Variants in MB21D2 observed in about 807,000 individuals in gnomAD.
The protein encoded by MB21D2 is Mab-21 domain containing 2.
MB21D2 carries 9 observed loss-of-function variants against 33.3 expected under a neutral mutation model. That is an observed-to-expected ratio of 0.27 (90% CI 0.16 to 0.47). The LOEUF is 0.47. Ranked by LOEUF, MB21D2 falls within the 20% of genes least tolerant of loss-of-function variation. The pLI is 0.99. For missense variants in MB21D2, 540 were observed against 624.6 expected, an observed-to-expected ratio of 0.86 and a Z score of 1.44; for synonymous variants, 241 against 236.3, an observed-to-expected ratio of 1.02 and a Z score of -0.18.
chr3:192,889,934 GA>G (rs1007921221), intron 1 of MB21D2, among the ~76,000 whole-genome samples: 10 of 149,300 alleles, frequency 6.7e-5, no homozygotes, highest in East Asian at 1.9e-4. Context: ...AGTCAGTTAG[GA>G]AAAAAAAAAT....
chr3:192,833,759 A>G (rs898172017), intron 1 of MB21D2, among the ~76,000 whole-genome samples: 1 of 152,200 alleles, frequency 6.6e-6, no homozygotes, highest in African/African-American at 2.4e-5. Flanking sequence ...AGCGTGGGAT[A>G]GTGTTACTCG....
rs551977704 is a variant in MB21D2 at position 192,917,301 on chromosome 3, G to A, written c.211+329C>T. On this transcript the variant is annotated intron_variant, in intron 1 of 1. Coordinates refer to ENST00000392452, the MANE Select transcript of MB21D2 (RefSeq NM_178496.4). ...TCAGGGGCTCACCTGGACTGCACTC[G>A]CTTCCAGGGGCTTCCCCCAACAGTG... 7.9e-5 allele frequency among the ~76,000 whole-genome samples: 12 copies of A among 152,344 alleles called. No individual in the cohort carries two copies. The East Asian group carries it at 2.3e-3, about 29-fold the overall frequency.
chr3:192,868,407 A>T (rs1159505579), intron 1 of MB21D2, among the ~76,000 whole-genome samples: 1 of 152,256 alleles, frequency 6.6e-6, no homozygotes, highest in East Asian at 1.9e-4. Context: ...GAAAGAAACA[A>T]GGACTAGTGA....
chr3:192,864,727 G>A (rs573509787), intron 1 of MB21D2, among the ~76,000 whole-genome samples: 9 of 152,128 alleles, frequency 5.9e-5, no homozygotes, highest in South Asian at 2.1e-4. Flanking sequence ...GGCTGGTCTC[G>A]GACTCCTAAG....
At chr3:192,858,317 T>C (rs182004409) in intron 1 of MB21D2, among the ~76,000 whole-genome samples, 3 of 152,314 alleles carry the variant, frequency 2.0e-5, no homozygotes, top group Admixed American at 1.3e-4. Flanking sequence ...CACTGTCTCA[T>C]GGATGGGGCT....
chr3:192,902,391 A>G (rs912195146), intron 1 of MB21D2, among the ~76,000 whole-genome samples: 4 of 152,206 alleles, frequency 2.6e-5, no homozygotes, highest in African/African-American at 7.2e-5. Flanking sequence ...TAGCTTGAGC[A>G]AGGTGATTTC....
chr3:192,841,234 A>G (rs1456062233), intron 1 of MB21D2, among the ~76,000 whole-genome samples: 3 of 152,256 alleles, frequency 2.0e-5, no homozygotes, highest in Non-Finnish European at 4.4e-5. Context: ...GCAAAACAGA[A>G]CACATGCATG....
intron 1 of MB21D2, among the ~76,000 whole-genome samples, chr3:192,910,300 A>G (rs1467815922): frequency 7.6e-6 from 1 of 131,490 alleles, no homozygotes; most frequent in South Asian, 2.4e-4. Flanking sequence ...CATCTCTACA[A>G]AAAAAAAAAA....
At chr3:192,828,198 C>T (rs964825533) in intron 1 of MB21D2, among the ~76,000 whole-genome samples, 10 of 151,950 alleles carry the variant, frequency 6.6e-5, no homozygotes, top group African/African-American at 2.4e-4. Context: ...ACTAATACGA[C>T]GTTCTTTGGA....
At position 192,800,525 on chromosome 3, in the gene MB21D2, AT is replaced by A. The variant is rs1025750864; in HGVS notation, c.212-876del. Among the ~76,000 whole-genome samples the A allele has an allele frequency of 5.3e-5, 8 of 151,970 alleles. No homozygotes were observed. The East Asian group carries it at 5.8e-4, about 11-fold the overall frequency. ...TCTTTACCACTGACATGCATTAGCA[AT>A]TTTTTTTTAAAAAACCCAGTTTTAC... On this transcript the variant is annotated intron_variant, in intron 1 of 1. Transcript: ENST00000392452.
intron 1 of MB21D2, among the ~76,000 whole-genome samples, chr3:192,879,974 A>G (rs1378248245): frequency 1.3e-5 from 2 of 152,094 alleles, no homozygotes; most frequent in Admixed American, 6.6e-5. Flanking sequence ...CCAGGATTCT[A>G]CCAGCTCCCA....
At chr3:192,887,057 A>G (rs1713748039) in intron 1 of MB21D2, among the ~76,000 whole-genome samples, 1 of 152,126 alleles carries the variant, frequency 6.6e-6, no homozygotes. Flanking sequence ...AGGGCTACCA[A>G]TTCATTTCGA....
At chr3:192,907,528 A>G (rs1577203844) in intron 1 of MB21D2, among the ~76,000 whole-genome samples, 1 of 152,164 alleles carries the variant, frequency 6.6e-6, no homozygotes, top group Non-Finnish European at 1.5e-5. Context: ...CTTGATCTCC[A>G]ACCGATTCTG....
At chr3:192,901,655 A>G (rs1373810107) in intron 1 of MB21D2, among the ~76,000 whole-genome samples, 2 of 152,198 alleles carry the variant, frequency 1.3e-5, no homozygotes, top group African/African-American at 4.8e-5. Flanking sequence ...GGTTATTCAT[A>G]TTAACAAATC....
chr3:192,813,542 C>T (rs7643208), intron 1 of MB21D2, among the ~76,000 whole-genome samples: 99,254 of 151,756 alleles, frequency 0.65, 34,184 homozygotes, highest in African/African-American at 0.88. Flanking sequence ...TATTGTATGA[C>T]GCTTTGCAGT....
chr3:192,880,284 T>A (rs553646168), intron 1 of MB21D2, among the ~76,000 whole-genome samples: 2 of 151,646 alleles, frequency 1.3e-5, no homozygotes, highest in South Asian at 4.2e-4. Context: ...GAGACGGAGG[T>A]TGCAGTGAGC....
chr3:192,823,528 G>A (rs1396966373), intron 1 of MB21D2, among the ~76,000 whole-genome samples: 1 of 152,108 alleles, frequency 6.6e-6, no homozygotes, highest in African/African-American at 2.4e-5. Context: ...GGTGGCGCAT[G>A]CCTGTAATCC....
intron 1 of MB21D2, among the ~76,000 whole-genome samples, chr3:192,808,614 C>T (rs1711716152): frequency 1.3e-5 from 2 of 152,192 alleles, no homozygotes; most frequent in African/African-American, 4.8e-5. Flanking sequence ...GAATCTTCAG[C>T]AGGGATGGAG....
chr3:192,870,391 C>G (rs566827428), intron 1 of MB21D2, among the ~76,000 whole-genome samples: 2 of 152,226 alleles, frequency 1.3e-5, no homozygotes, highest in South Asian at 2.1e-4. Context: ...TACCCTTGTT[C>G]TTAGAAATGC....
Sources: allele counts gnomAD v4.1 joint callset (sites outside exome capture counted in the v4.1 genomes callset), GRCh38; gene constraint gnomAD v4.1.1; transcripts MANE v1.5; gene names NCBI Gene and HGNC (gene_info 2026-07-23, HGNC 2026-07-21).